The following TMEM50A variants were observed in gnomAD, a reference collection of about 807,000 sequenced individuals.
TMEM50A encodes the protein transmembrane protein 50A, also known as cervical cancer oncogene 9.
A neutral mutation model predicts 23.9 loss-of-function variants in TMEM50A; 8 were observed. That is an observed-to-expected ratio of 0.33 (90% CI 0.20 to 0.60). The LOEUF is 0.60. Ranked by LOEUF, TMEM50A falls within the 20% of genes least tolerant of loss-of-function variation. The probability of loss-of-function intolerance (pLI) is 0.81; values close to 1 mark genes in which losing one functional copy is unlikely to be tolerated. For synonymous variants in TMEM50A, 55 were observed against 60.4 expected (o/e 0.91, Z 0.41); for missense variants, 178 against 192.7 (o/e 0.92, Z 0.45).
chr1:25,341,032 C>T (rs1057067269), intron 2 of TMEM50A, among the ~76,000 whole-genome samples: 13 of 151,884 alleles, frequency 8.6e-5, no homozygotes, highest in Non-Finnish European at 1.5e-4. Context: ...TAGCATGGCC[C>T]CTTAAAATTT....
chr1:25,348,057 G>C (rs1192760785), intron 3 of TMEM50A, among the ~76,000 whole-genome samples: 1 of 152,180 alleles, frequency 6.6e-6, no homozygotes, highest in Non-Finnish European at 1.5e-5. Flanking sequence ...AGCTGTATAT[G>C]AGCTTGAATG....
chr1:25,351,537 C>A, intron 3 of TMEM50A, 89 bp from the exon 4 acceptor site: 1 of 1,158,716 alleles, frequency 8.6e-7, no homozygotes, highest in African/African-American at 1.6e-5. Context: ...ACTTTCAGGC[C>A]TAACCTTACA....
At chr1:25,346,448 G>A (rs1645218496) in intron 3 of TMEM50A, among the ~76,000 whole-genome samples, 1 of 152,098 alleles carries the variant, frequency 6.6e-6, no homozygotes, top group Non-Finnish European at 1.5e-5. Context: ...AGGCTGGAGT[G>A]CAAATGGTGT....
At chr1:25,339,040 G>A (rs936461050) in intron 1 of TMEM50A, among the ~76,000 whole-genome samples, 31 of 152,222 alleles carry the variant, frequency 2.0e-4, no homozygotes, top group Admixed American at 1.9e-3. Context: ...AGGCATCTTA[G>A]CATTGGCTGT....
intron 5 of TMEM50A, among the ~76,000 whole-genome samples, chr1:25,356,322 A>C (rs1645333153): frequency 6.6e-6 from 1 of 151,996 alleles, no homozygotes; most frequent in South Asian, 2.1e-4. Context: ...CTGTTCCTGT[A>C]ATTCACTGGC....
chr1:25,348,643 C>A (rs919166269), intron 3 of TMEM50A, among the ~76,000 whole-genome samples: 10 of 150,424 alleles, frequency 6.6e-5, no homozygotes, highest in African/African-American at 2.2e-4. Flanking sequence ...TGAGATTGTG[C>A]CACTGCACTC....
intron 6 of TMEM50A, among the ~76,000 whole-genome samples, 176 bp downstream of exon 6, chr1:25,357,029 C>T (rs1198811002): frequency 6.6e-6 from 1 of 152,080 alleles, no homozygotes; most frequent in Non-Finnish European, 1.5e-5. Context: ...AGTTGGTTTG[C>T]TGCCAACCTT....
intron 2 of TMEM50A, 39 bp downstream of exon 2, chr1:25,340,618 C>A (rs369703133): frequency 6.5e-7 from 1 of 1,527,648 alleles, no homozygotes; most frequent in Non-Finnish European, 9.0e-7. Flanking sequence ...TTTTTTGGTG[C>A]GTTTGTGTTT....
chr1:25,346,027 A>G (rs1018853282), intron 3 of TMEM50A, among the ~76,000 whole-genome samples: 10 of 152,032 alleles, frequency 6.6e-5, no homozygotes, highest in Non-Finnish European at 1.5e-4. Flanking sequence ...ACCTCAAGTG[A>G]TCCACCTGTC....
In TMEM50A at chr1:25,343,085, C is replaced by T. The variant is rs376161699; in HGVS notation, c.206+12C>T. On this transcript the variant is annotated intron_variant, in intron 3 of 6. Transcript: ENST00000374358. ...ATAGCCTTCCTAATGTAAGTGTCAT[C>T]GTAATTGGCATTACTTACATAGCTT... The T allele has an allele frequency of 9.7e-5, 154 of 1,585,846 alleles. No individual in the cohort carries two copies. Among genetic ancestry groups the T allele is most frequent in the Non-Finnish European group, 2.3e-5 (27 of 1,163,280 alleles).
At chr1:25,347,995 T>G (rs533945652) in intron 3 of TMEM50A, among the ~76,000 whole-genome samples, 1 of 152,354 alleles carries the variant, frequency 6.6e-6, no homozygotes, top group South Asian at 2.1e-4. Context: ...TTTAAAAAAT[T>G]ATTTTGTTCC....
Position 25,352,900 on chromosome 1 carries a change from T to C in TMEM50A, c.293T>C (p.Phe98Ser). ...TTTGAAGGTGCTCGCATTTGGCTTTTCGTTGGTTTCATGTTGGCCTTTGGA... is the reference window on the plus strand; with the variant it reads ...TTTGAAGGTGCTCGCATTTGGCTTTCCGTTGGTTTCATGTTGGCCTTTGGA... The part of the protein sequence containing the change: ...LGQTGARIWL[F>S]VGFMLAFGSL... The change falls in exon 5 of 7, where the codon TTC becomes TCC. Residue 98 changes from phenylalanine (F) to serine (S), a missense_variant. Physicochemically the swap from Phe to Ser is radical, Grantham distance 155 (BLOSUM62 -2). Coordinates refer to ENST00000374358, the MANE Select transcript of TMEM50A (RefSeq NM_014313.4). 6.2e-7 allele frequency: 1 copy of C among 1,613,872 alleles called. No individual in the cohort carries two copies. The highest frequency in any genetic ancestry group is 8.5e-7 in the Non-Finnish European group (1 of 1,179,926).
intron 2 of TMEM50A, among the ~76,000 whole-genome samples, chr1:25,341,421 G>C (rs1316652794): frequency 6.6e-6 from 1 of 152,156 alleles, no homozygotes; most frequent in Non-Finnish European, 1.5e-5. Context: ...ACTGCGCCCG[G>C]CTAATTTTTT....
At position 25,356,822 on chromosome 1, in the gene TMEM50A, G is replaced by C; in HGVS notation, c.397G>C (p.Val133Leu). 1 of 1,590,468 alleles carries C rather than the reference G, an allele frequency of 6.3e-7. No individual in the cohort carries two copies. Among genetic ancestry groups the C allele is most frequent in the Non-Finnish European group, 8.5e-7 (1 of 1,171,976 alleles). Reference protein sequence around the residue: ...EKDIVYPGIAVFFQNAFIFFG... With the variant: ...EKDIVYPGIALFFQNAFIFFG... ...AGACATAGTATACCCTGGAATTGCT[G>C]TATTTTTCCAGAATGCCTTCATCTT... is the stretch of plus-strand genomic sequence containing the variant. Residue 133 changes from valine to leucine, a missense_variant, in exon 6 of 7, where the codon GTA becomes CTA. By Grantham distance (32) the Val-to-Leu change is conservative. Coordinates refer to ENST00000374358, the MANE Select transcript of TMEM50A (RefSeq NM_014313.4).
At chr1:25,341,426 T>C (rs1173840925) in intron 2 of TMEM50A, among the ~76,000 whole-genome samples, 2 of 152,148 alleles carry the variant, frequency 1.3e-5, no homozygotes, top group African/African-American at 4.8e-5. Flanking sequence ...GCCCGGCTAA[T>C]TTTTTTGTAT....
At chr1:25,357,609 A>AGTGT (rs60773283) in intron 6 of TMEM50A, among the ~76,000 whole-genome samples, 21,320 of 111,312 alleles carry the variant, frequency 0.19, 2,170 homozygotes, top group East Asian at 0.22. Flanking sequence ...TCTCTCACCC[A>AGTGT]GTGTGTGTGT....
chr1:25,356,862 G>GGCCGCACTGAAGAC lies in TMEM50A; in HGVS notation c.428+9_428+10insGCCGCACTGAAGAC. 1 of 1,574,860 alleles carries GGCCGCACTGAAGAC rather than the reference G, an allele frequency of 6.3e-7. No homozygotes were observed. The stretch of plus-strand genomic sequence containing the variant: ...GCCTTCATCTTTTTTGGGTAAGTTT[G>GGCCGCACTGAAGAC]TTTTGCATTCTTTATGTTTGTTTGT... On this transcript the variant is annotated intron_variant, in intron 6 of 6. Coordinates refer to ENST00000374358, the MANE Select transcript of TMEM50A (RefSeq NM_014313.4).
Position 25,362,248 on chromosome 1 carries a change from A to T in TMEM50A, c.*1543A>T. ...TGAGAAAGAATCTTAAGAATTGTCA[A>T]TAAAATTAACCCAAAACTTTAATAA... is the stretch of plus-strand genomic sequence containing the variant. On this transcript the variant is annotated 3_prime_UTR_variant, in exon 7 of 7. Transcript: ENST00000374358. 1 of 650,420 alleles carries T rather than the reference A, an allele frequency of 1.5e-6. No individual in the cohort carries two copies. The allele number at this position is 650,420 out of a possible 1,614,324, so 40.3% of individuals were successfully genotyped here.
intron 3 of TMEM50A, among the ~76,000 whole-genome samples, chr1:25,349,222 C>G (rs1261165389): frequency 6.6e-6 from 1 of 152,168 alleles, no homozygotes; most frequent in Non-Finnish European, 1.5e-5. Context: ...TTGACAAATA[C>G]CAGACGTTTC....
Sources: gnomAD v4.1 joint callset for allele counts (sites outside exome capture counted in the v4.1 genomes callset) on GRCh38, gnomAD v4.1.1 for gene constraint, MANE v1.5 for transcripts, NCBI Gene and HGNC (gene_info 2026-07-23, HGNC 2026-07-21) for gene names.